ZFHX3: variants seen among roughly 807,000 people sequenced by gnomAD.
The protein encoded by ZFHX3 is zinc finger homeobox 3, also known as zinc finger homeobox protein 3.
A neutral mutation model predicts 279.1 loss-of-function variants in ZFHX3; 42 were observed. The observed-to-expected ratio is 0.15, with a 90% CI of 0.12 to 0.19. ZFHX3 has a LOEUF of 0.19. ZFHX3 is among the 10% of genes least tolerant of loss of function. ZFHX3 has a pLI of 1.00. For synonymous variants in ZFHX3, 2,293 were observed against 1,957.8 expected, an observed-to-expected ratio of 1.17 and a Z score of -4.52; for missense variants, 4,981 against 4,754.0, an observed-to-expected ratio of 1.05 and a Z score of -1.40.
chr16:73,178,031 A>C (rs1234699923), intron 5 of ZFHX3, among the ~76,000 whole-genome samples: 1 of 152,080 alleles, frequency 6.6e-6, no homozygotes, highest in East Asian at 1.9e-4. Flanking sequence ...CCTTACTCTG[A>C]GCTGAGATCT....
intron 1 of ZFHX3, among the ~76,000 whole-genome samples, chr16:73,835,762 C>G (rs183838128): frequency 3.9e-5 from 6 of 152,012 alleles, no homozygotes; most frequent in African/African-American, 1.4e-4. Flanking sequence ...TGAGCCACCA[C>G]GCCCGGCCTC....
At chr16:73,134,496 A>G (rs1416096703) in intron 6 of ZFHX3, 1 of 150,976 alleles carries the variant, frequency 6.6e-6, no homozygotes, top group South Asian at 2.1e-4. Context: ...ACACCCAGCT[A>G]ACTAAACATT....
chr16:73,384,511 A>C (rs2016866376), intron 3 of ZFHX3, among the ~76,000 whole-genome samples: 2 of 152,250 alleles, frequency 1.3e-5, no homozygotes, highest in Non-Finnish European at 2.9e-5. Context: ...TTTCCAAAAC[A>C]AACAAAAGTA....
intron 4 of ZFHX3, among the ~76,000 whole-genome samples, chr16:73,287,983 C>G (rs1364106338): frequency 6.6e-6 from 1 of 152,094 alleles, no homozygotes; most frequent in East Asian, 1.9e-4. Flanking sequence ...CTTGCTGTCC[C>G]CTCCGTTCCT....
intron 5 of ZFHX3, among the ~76,000 whole-genome samples, chr16:73,256,480 G>C (rs2013664946): frequency 6.6e-6 from 1 of 152,154 alleles, no homozygotes; most frequent in African/African-American, 2.4e-5. Context: ...CAATCACCTG[G>C]AGACTTCAAA....
intron 4 of ZFHX3, among the ~76,000 whole-genome samples, chr16:73,262,870 A>G (rs1250761980): frequency 6.6e-6 from 1 of 152,112 alleles, no homozygotes; most frequent in African/African-American, 2.4e-5. Flanking sequence ...GACTACATGG[A>G]GCAGAGACAA....
At chr16:73,071,826 C>A (rs879687122) in intron 8 of ZFHX3, among the ~76,000 whole-genome samples, 1 of 152,136 alleles carries the variant, frequency 6.6e-6, no homozygotes, top group Non-Finnish European at 1.5e-5. Flanking sequence ...CTGGAAACTG[C>A]TTTGAAAGCG....
At chr16:73,673,317 T>A (rs1235731263) in intron 2 of ZFHX3, among the ~76,000 whole-genome samples, 1 of 152,196 alleles carries the variant, frequency 6.6e-6, no homozygotes, top group African/African-American at 2.4e-5. Flanking sequence ...ATTTCATTAT[T>A]ATGCTGTGTA....
chr16:73,223,818 G>A lies in ZFHX3; in HGVS notation c.-1104+33229C>T, dbSNP rs2012502629. Among the ~76,000 whole-genome samples, 4 of 152,096 alleles carry A rather than the reference G, an allele frequency of 2.6e-5. No individual in the cohort carries two copies. The South Asian group carries it at 8.3e-4, about 32-fold the overall frequency. On this transcript the variant is annotated intron_variant, in intron 5 of 17. Coordinates refer to the ZFHX3 transcript ENST00000641206. ...GAGTAACCAAGATGTCCTTCACCAG[G>A]TGAATGAATAAACCATGGTACACCC...
At chr16:73,386,206 C>G (rs899212503) in intron 3 of ZFHX3, among the ~76,000 whole-genome samples, 4 of 115,612 alleles carry the variant, frequency 3.5e-5, no homozygotes, top group South Asian at 2.3e-4. Flanking sequence ...CTCTGTCTCT[C>G]TCTCTCTCTT....
chr16:72,859,184 G>C (rs1253877618), intron 4 of ZFHX3, among the ~76,000 whole-genome samples: 1 of 152,194 alleles, frequency 6.6e-6, no homozygotes, highest in Non-Finnish European at 1.5e-5. Flanking sequence ...GCAATCCACA[G>C]AAGGGCATTT....
intron 4 of ZFHX3, among the ~76,000 whole-genome samples, chr16:73,316,994 G>C (rs2015464726): frequency 6.6e-6 from 1 of 152,204 alleles, no homozygotes; most frequent in South Asian, 2.1e-4. Context: ...CTTTGATACA[G>C]ACAGAGGAAC....
At chr16:72,898,963 T>A (rs963164680) in intron 3 of ZFHX3, among the ~76,000 whole-genome samples, 1 of 151,996 alleles carries the variant, frequency 6.6e-6, no homozygotes, top group Non-Finnish European at 1.5e-5. Context: ...GGGGGGTATG[T>A]AGGTGGATAA....
intron 1 of ZFHX3, among the ~76,000 whole-genome samples, chr16:73,740,654 A>G (rs2053648985): frequency 6.6e-6 from 1 of 152,224 alleles, no homozygotes; most frequent in Non-Finnish European, 1.5e-5. Context: ...AATACTTTGA[A>G]AGTTACTTCA....
At chr16:73,385,439 C>G (rs897916936) in intron 3 of ZFHX3, among the ~76,000 whole-genome samples, 1 of 152,144 alleles carries the variant, frequency 6.6e-6, no homozygotes, top group Non-Finnish European at 1.5e-5. Context: ...GCTGCCTTGA[C>G]CATCACCAAG....
chr16:73,766,102 C>T (rs1199717602), intron 1 of ZFHX3, among the ~76,000 whole-genome samples: 1 of 152,152 alleles, frequency 6.6e-6, no homozygotes, highest in Non-Finnish European at 1.5e-5. Context: ...CTCCCAATCC[C>T]ACCCCTTGCC....
At chr16:73,407,769 G>A (rs1217867210) in intron 3 of ZFHX3, among the ~76,000 whole-genome samples, 1 of 152,208 alleles carries the variant, frequency 6.6e-6, no homozygotes, top group Non-Finnish European at 1.5e-5. Flanking sequence ...GTGAAATAAA[G>A]AGTAAACTCC....
intron 5 of ZFHX3, among the ~76,000 whole-genome samples, chr16:73,166,667 A>G (rs1967380079): frequency 6.6e-6 from 1 of 152,194 alleles, no homozygotes; most frequent in African/African-American, 2.4e-5. Flanking sequence ...GGGAAACTCA[A>G]GGAGGATGTT....
chr16:73,746,392 G>A (rs1481145184), intron 1 of ZFHX3, among the ~76,000 whole-genome samples: 1 of 152,082 alleles, frequency 6.6e-6, no homozygotes, highest in Non-Finnish European at 1.5e-5. Context: ...CTTATATACG[G>A]AACAAAAGAA....
Sources: gnomAD v4.1 joint callset for allele counts (sites outside exome capture counted in the v4.1 genomes callset) on GRCh38, gnomAD v4.1.1 for gene constraint, MANE v1.5 for transcripts, NCBI Gene and HGNC (gene_info 2026-07-23, HGNC 2026-07-21) for gene names.